The following SLC12A7 variants were observed in gnomAD, a reference collection of about 807,000 sequenced individuals.
The protein encoded by SLC12A7 is K-Cl cotransporter 4.
A neutral mutation model predicts 120.6 loss-of-function variants in SLC12A7; 100 were observed. The ratio of observed to expected loss-of-function variants is 0.83; its 90% CI spans 0.71 to 0.98. The LOEUF is 0.98. Ranked by LOEUF, SLC12A7 falls within the 50% of genes least tolerant of loss-of-function variation. The probability of loss-of-function intolerance (pLI) is 0.00; values close to 1 mark genes in which losing one functional copy is unlikely to be tolerated. For synonymous variants in SLC12A7, 760 were observed against 678.0 expected, an observed-to-expected ratio of 1.12 and a Z score of -1.88; for missense variants, 1,373 against 1,548.1, an observed-to-expected ratio of 0.89 and a Z score of 1.90.
intron 1 of SLC12A7, among the ~76,000 whole-genome samples, chr5:1,099,936 C>G (rs944845559): frequency 6.6e-6 from 1 of 152,200 alleles, no homozygotes; most frequent in Non-Finnish European, 1.5e-5. Context: ...CGCCCCACTT[C>G]GCAACCTGAG....
At chr5:1,152,875 T>A in the SLC12A7 span, among the ~76,000 whole-genome samples, 3 of 152,306 alleles carry the variant, frequency 2.0e-5, no homozygotes, top group Non-Finnish European at 4.4e-5. Flanking sequence ...AGAAAGTTCA[T>A]CTGATCACCA....
At chr5:1,093,442 C>T (rs192123737) in intron 3 of SLC12A7, 91 bp downstream of exon 3, 1 of 1,347,888 alleles carries the variant, frequency 7.4e-7, no homozygotes, top group Non-Finnish European at 1.0e-6. Flanking sequence ...CAGGGCAGCT[C>T]TTCTGACAAG....
intron 17 of SLC12A7, among the ~76,000 whole-genome samples, chr5:1,068,249 A>T (rs1737265643): frequency 6.6e-6 from 1 of 152,168 alleles, no homozygotes; most frequent in African/African-American, 2.4e-5. Flanking sequence ...AGACTGGCCA[A>T]TGTGGCGAAA....
In SLC12A7 at chr5:1,053,472, T is replaced by C; in HGVS notation, c.3037A>G (p.Asn1013Asp). ...DLFSMKPDQS[N>D]VRRMHTAVKL... is the part of the protein sequence containing the mutation. Reference sequence around the variant, plus strand: ...ACAGCCGTGTGCATCCGCCTGACGTTGGACTGGTCCCTGCAGGGGAGGTGG... The same window carrying C: ...ACAGCCGTGTGCATCCGCCTGACGTCGGACTGGTCCCTGCAGGGGAGGTGG... The change falls in exon 23 of 24, where the codon AAC becomes GAC. Residue 1013 changes from asparagine to aspartate, a missense_variant. Asn to Asp is a conservative substitution (Grantham distance 23). Coordinates refer to ENST00000264930, the MANE Select transcript of SLC12A7 (RefSeq NM_006598.3). 1 of 1,613,702 alleles carries C rather than the reference T, an allele frequency of 6.2e-7. No individual in the cohort carries two copies. Among genetic ancestry groups the C allele is most frequent in the South Asian group, 1.1e-5 (1 of 91,066 alleles).
chr5:1,054,405 G>A (rs1735389400), intron 22 of SLC12A7, among the ~76,000 whole-genome samples: 1 of 152,218 alleles, frequency 6.6e-6, no homozygotes, highest in African/African-American at 2.4e-5. Flanking sequence ...TCAGGCCCTT[G>A]CGGGACAGAG....
intron 8 of SLC12A7, among the ~76,000 whole-genome samples, chr5:1,082,253 CTA>C (rs1739242458): frequency 6.9e-6 from 1 of 144,208 alleles, no homozygotes; most frequent in Non-Finnish European, 1.5e-5. Flanking sequence ...GGCTTCCTCT[CTA>C]GGGTTCTGGA....
At chr5:1,075,249 C>A in intron 15 of SLC12A7, 122 bp downstream of exon 15, 1 of 1,379,630 alleles carries the variant, frequency 7.2e-7, no homozygotes, top group Admixed American at 2.5e-5. Flanking sequence ...CCAGCTGCCC[C>A]TGTGAGGGCA....
At chr5:1,129,459 T>G in the SLC12A7 span, among the ~76,000 whole-genome samples, 1 of 151,920 alleles carries the variant, frequency 6.6e-6, no homozygotes, top group African/African-American at 2.4e-5. Flanking sequence ...TCCCCTAGCG[T>G]AAGGGACAGA....
At chr5:1,131,144 G>A in the SLC12A7 span, among the ~76,000 whole-genome samples, 5 of 152,166 alleles carry the variant, frequency 3.3e-5, no homozygotes. Flanking sequence ...GACACACAGG[G>A]ACTCACAGGG....
chr5:1,078,514 A>AGCCGCATCAG (rs1738621140), intron 11 of SLC12A7, 187 bp downstream of exon 11: 1 of 636,580 alleles, frequency 1.6e-6, no homozygotes, highest in African/African-American at 1.8e-5. Context: ...ACGGTTCCCC[A>AGCCGCATCAG]GGCCCTAGGC....
chr5:1,151,999 G>A, the SLC12A7 span, among the ~76,000 whole-genome samples: 1 of 152,176 alleles, frequency 6.6e-6, no homozygotes, highest in Non-Finnish European at 1.5e-5. This position sits in a 1 kb window ranked among gnomAD's most constrained non-coding sequence, Gnocchi z 6.2. Flanking sequence ...AGAGGGTGCA[G>A]TCACATTCAC....
chr5:1,100,495 C>A (rs193169318), intron 1 of SLC12A7, among the ~76,000 whole-genome samples: 3 of 152,232 alleles, frequency 2.0e-5, no homozygotes, highest in Non-Finnish European at 2.9e-5. Flanking sequence ...AGCCCATCTG[C>A]GGATCCGACA....
chr5:1,103,491 G>A (rs1172725852), intron 1 of SLC12A7, among the ~76,000 whole-genome samples: 1 of 151,954 alleles, frequency 6.6e-6, no homozygotes, highest in Non-Finnish European at 1.5e-5. Flanking sequence ...ACGTGCACAC[G>A]CAAACTTGCT....
intron 1 of SLC12A7, among the ~76,000 whole-genome samples, chr5:1,107,479 C>G (rs1369334181): frequency 6.6e-6 from 1 of 152,212 alleles, no homozygotes; most frequent in Non-Finnish European, 1.5e-5. Flanking sequence ...GAGGGGAGGA[C>G]AGCCCCCAAC....
intron 1 of SLC12A7, among the ~76,000 whole-genome samples, chr5:1,099,185 G>A (rs73028895): frequency 0.077 from 11,644 of 152,178 alleles, 561 homozygotes; most frequent in African/African-American, 0.14. Flanking sequence ...CCCAGATCAG[G>A]TCTCCCCAGC....
rs1739505755 is a variant in SLC12A7, at chr5:1,083,909, G to A, written c.965C>T (p.Ala322Val). The change falls in exon 8 of 24, where the codon GCC becomes GTC. Residue 322 changes from alanine to valine, a missense_variant. Physicochemically the swap from Ala to Val is moderately conservative, Grantham distance 64. Coordinates refer to ENST00000264930, the MANE Select transcript of SLC12A7 (RefSeq NM_006598.3). ...NRTLSRRSFD[A>V]CVKAYGIHNN... The stretch of plus-strand genomic sequence containing the variant: ...GTGGATGCCGTAGGCCTTGACGCAG[G>A]CATCGAAGCTGCGCCGTGACAGCGT... 6.2e-7 allele frequency: 1 copy of A among 1,607,498 alleles called. No individual in the cohort carries two copies. The highest frequency in any genetic ancestry group is 1.3e-5 in the African/African-American group (1 of 74,920).
chr5:1,103,726 C>T (rs1387238972), intron 1 of SLC12A7, among the ~76,000 whole-genome samples: 3 of 152,354 alleles, frequency 2.0e-5, no homozygotes, highest in Non-Finnish European at 2.9e-5. Flanking sequence ...CCAGACTGCA[C>T]GACCCACGGG....
chr5:1,081,034 AGG>A (rs2150846304), intron 9 of SLC12A7, among the ~76,000 whole-genome samples: 1 of 149,436 alleles, frequency 6.7e-6, no homozygotes, highest in East Asian at 2.0e-4. Flanking sequence ...AGAGAGAGAG[AGG>A]GAGGGAGGGA....
At position 1,057,290 on chromosome 5, in the gene SLC12A7, G is replaced by A. The variant is rs2241605; in HGVS notation, c.3026+181C>T. On this transcript the variant is annotated intron_variant, in intron 22 of 23. Transcript: ENST00000264930. Reference sequence around the variant, plus strand: ...GGCCACAGGGCTGAACTCAGGGCCCGGCCTTGGCACCAAAAGGACCCCTCA... The same window carrying A: ...GGCCACAGGGCTGAACTCAGGGCCCAGCCTTGGCACCAAAAGGACCCCTCA... The A allele has an allele frequency of 0.45, 273,334 of 608,142 alleles. 64,365 individuals carry two copies. Among genetic ancestry groups the A allele is most frequent in the Non-Finnish European group, 0.5 (180,526 of 362,478 alleles). 37.7% of individuals were successfully genotyped at this position (608,142 alleles called of 1,614,324 possible). A position where few individuals can be genotyped will look rare whatever the true frequency, so the allele number is the denominator to read the frequency against.
Sources: gnomAD v4.1 joint callset for allele counts (sites outside exome capture counted in the v4.1 genomes callset) on GRCh38, gnomAD v4.1.1 for gene constraint, Gnocchi (gnomAD v3.1) non-coding constraint, MANE v1.5 for transcripts, NCBI Gene and HGNC (gene_info 2026-07-23, HGNC 2026-07-21) for gene names.